The following PKHD1 variants were observed in gnomAD, a reference collection of about 807,000 sequenced individuals.
PKHD1 encodes fibrocystin.
Under a neutral mutation model 412.0 loss-of-function variants are expected in PKHD1, and 291 were observed. The observed-to-expected ratio is 0.71, with a 90% CI of 0.64 to 0.78. PKHD1 has a LOEUF of 0.78. Ranked by LOEUF, PKHD1 falls within the 30% of genes least tolerant of loss-of-function variation. PKHD1 has a pLI of 0.00. For synonymous variants in PKHD1, 1,777 were observed against 1,821.5 expected (o/e 0.98, Z 0.62); for missense variants, 4,825 against 4,950.7 (o/e 0.97, Z 0.76).
At chr6:51,736,673 T>A (rs1562195756) in intron 60 of PKHD1, among the ~76,000 whole-genome samples, 1 of 152,184 alleles carries the variant, frequency 6.6e-6, no homozygotes, top group East Asian at 1.9e-4. Context: ...TATTTTCCCC[T>A]CTAGCTAGAA....
In PKHD1 at chr6:52,020,746, C is replaced by T. The variant is rs982212683; in HGVS notation, c.5380+2055G>A. Among the ~76,000 whole-genome samples the T allele has an allele frequency of 3.2e-4, 48 of 152,188 alleles. 1 individual carries two copies. Among genetic ancestry groups the T allele is most frequent in the African/African-American group, 1.2e-3 (48 of 41,442 alleles). On this transcript the variant is annotated intron_variant, in intron 33 of 66. Transcript: ENST00000371117. ...AACTGCGAAACACTTGTAAGGGTTG[C>T]TGCTGGGAAATTCTCCCCTGAAAAA... is the stretch of plus-strand genomic sequence containing the variant.
intron 60 of PKHD1, among the ~76,000 whole-genome samples, chr6:51,692,619 G>A (rs1014640192): frequency 7.2e-5 from 11 of 152,056 alleles, no homozygotes; most frequent in African/African-American, 2.7e-4. Flanking sequence ...AGTTAGTCTC[G>A]TCCATTTTTT....
intron 37 of PKHD1, among the ~76,000 whole-genome samples, chr6:51,913,851 A>G (rs1305073314): frequency 1.3e-5 from 2 of 152,142 alleles, no homozygotes; most frequent in African/African-American, 2.4e-5. Flanking sequence ...AAAAAAATGT[A>G]CAGAGTTCAA....
Position 52,024,918 on chromosome 6 carries a change from T to C in PKHD1, c.4892A>G (p.Asn1631Ser), listed in dbSNP as rs1247871510. The C allele has an allele frequency of 6.2e-7, 1 of 1,614,166 alleles. No individual in the cohort carries two copies. Among genetic ancestry groups the C allele is most frequent in the Admixed American group, 1.7e-5 (1 of 60,028 alleles). The change falls in exon 32 of 67, where the codon AAT (asparagine) becomes AGT (serine). Residue 1631 changes from asparagine (N) to serine (S), a missense_variant. Asn to Ser is a conservative substitution (Grantham distance 46). Coordinates refer to ENST00000371117, the MANE Select transcript of PKHD1 (RefSeq NM_138694.4). ...CTCTATTTCCAGGGCAACAGAGCCA[T>C]TCCCTGTGGGAACAATGCACCGGAT... ...ELIRCIVPTG[N>S]GSVALEIEVD... is the part of the protein sequence containing the mutation.
At chr6:51,642,434 G>A (rs1462204104) in intron 63 of PKHD1, among the ~76,000 whole-genome samples, 1 of 152,190 alleles carries the variant, frequency 6.6e-6, no homozygotes, top group African/African-American at 2.4e-5. Context: ...GTAAAGTATG[G>A]AGTGTGAATA....
At chr6:51,805,407 AAG>A (rs1490544012) in intron 52 of PKHD1, among the ~76,000 whole-genome samples, 3 of 152,206 alleles carry the variant, frequency 2.0e-5, no homozygotes, top group African/African-American at 7.2e-5. Context: ...GCAAGGGCTG[AAG>A]AGCTACCTAT....
chr6:51,978,959 T>C (rs1794797812), intron 35 of PKHD1, among the ~76,000 whole-genome samples: 1 of 152,352 alleles, frequency 6.6e-6, no homozygotes, highest in South Asian at 2.1e-4. Context: ...ATAACATGTG[T>C]ATAATGACAT....
chr6:51,700,339 G>T (rs1779282322), intron 60 of PKHD1, among the ~76,000 whole-genome samples: 3 of 151,880 alleles, frequency 2.0e-5, no homozygotes. Flanking sequence ...GTCATCAATG[G>T]CTAACACTCA....
At chr6:51,989,235 C>T (rs183384677) in intron 35 of PKHD1, among the ~76,000 whole-genome samples, 27 of 152,244 alleles carry the variant, frequency 1.8e-4, no homozygotes, top group African/African-American at 6.3e-4. Context: ...AAAGAAAAAA[C>T]TTATACTAAT....
intron 33 of PKHD1, among the ~76,000 whole-genome samples, chr6:52,018,379 T>C (rs555198430): frequency 2.6e-5 from 4 of 152,336 alleles, no homozygotes; most frequent in African/African-American, 9.6e-5. Context: ...CAGCCATATT[T>C]GTAAGTTCCC....
At chr6:51,633,602 G>A (rs1007709887) in intron 64 of PKHD1, among the ~76,000 whole-genome samples, 3 of 152,152 alleles carry the variant, frequency 2.0e-5, no homozygotes, top group Admixed American at 6.5e-5. Context: ...ACTAGAATGA[G>A]CATAAAAGGC....
At chr6:51,721,520 G>A (rs1562166041) in intron 60 of PKHD1, 5 of 963,778 alleles carry the variant, frequency 5.2e-6, no homozygotes, top group Non-Finnish European at 6.2e-6. Context: ...ATATCTAGCT[G>A]CAATTTATCT....
At chr6:51,641,974 C>A (rs1769424052) in intron 63 of PKHD1, among the ~76,000 whole-genome samples, 1 of 151,940 alleles carries the variant, frequency 6.6e-6, no homozygotes, top group Non-Finnish European at 1.5e-5. Flanking sequence ...CAGCAAACCA[C>A]CATGGCACAT....
chr6:51,640,413 T>A (rs1406516899), intron 63 of PKHD1, among the ~76,000 whole-genome samples: 1 of 152,208 alleles, frequency 6.6e-6, no homozygotes, highest in African/African-American at 2.4e-5. Flanking sequence ...ATTCTCAGAT[T>A]TGAAGCATAT....
chr6:51,690,011 C>T (rs183689397), intron 60 of PKHD1, among the ~76,000 whole-genome samples: 21 of 152,200 alleles, frequency 1.4e-4, no homozygotes, highest in East Asian at 1.4e-3. Context: ...TGGTGGCTCA[C>T]GCCTGTAATC....
chr6:51,633,515 A>G (rs2784215), intron 64 of PKHD1, among the ~76,000 whole-genome samples: 6,515 of 152,250 alleles, frequency 0.043, 236 homozygotes, highest in African/African-American at 0.093. Context: ...CTAGACAATG[A>G]AAAACTACTC....
At chr6:51,872,950 AAAG>A (rs1192887710) in intron 46 of PKHD1, among the ~76,000 whole-genome samples, 4 of 150,660 alleles carry the variant, frequency 2.7e-5, no homozygotes, top group South Asian at 2.1e-4. Flanking sequence ...TTAAGCCAGA[AAAG>A]AAGAAGATGT....
intron 33 of PKHD1, among the ~76,000 whole-genome samples, chr6:52,018,790 C>T (rs893131730): frequency 6.6e-6 from 1 of 152,164 alleles, no homozygotes; most frequent in Non-Finnish European, 1.5e-5. Context: ...GCTAGGATTA[C>T]AGGCATGAGC....
At chr6:51,737,731 T>A (rs910501117) in intron 60 of PKHD1, among the ~76,000 whole-genome samples, 1 of 150,200 alleles carries the variant, frequency 6.7e-6, no homozygotes, top group African/African-American at 2.5e-5. Context: ...TGTGTGAGTG[T>A]GTGTGTGTGT....
Sources: gnomAD v4.1 joint callset for allele counts (sites outside exome capture counted in the v4.1 genomes callset) on GRCh38, gnomAD v4.1.1 for gene constraint, MANE v1.5 for transcripts, NCBI Gene and HGNC (gene_info 2026-07-23, HGNC 2026-07-21) for gene names.